The following NEK1 variants were observed in gnomAD, a reference collection of about 807,000 sequenced individuals.
NEK1 encodes NIMA related kinase 1, also known as serine/threonine-protein kinase Nek1.
A neutral mutation model predicts 182.1 loss-of-function variants in NEK1; 137 were observed. The ratio of observed to expected loss-of-function variants is 0.75; its 90% CI spans 0.65 to 0.87. NEK1 has a LOEUF of 0.87. Among genes scored for constraint, NEK1 ranks in the 40% least tolerant of loss-of-function variants. The pLI, the probability that NEK1 is intolerant of heterozygous loss-of-function variation, is 0.00. For missense variants in NEK1, 1,391 were observed against 1,494.4 expected (o/e 0.93, Z 1.14); for synonymous variants, 513 against 492.2 (o/e 1.04, Z -0.56).
chr4:169,545,385 AT>A (rs1760242878), intron 18 of NEK1, among the ~76,000 whole-genome samples: 1 of 151,636 alleles, frequency 6.6e-6, no homozygotes, highest in African/African-American at 2.4e-5. Flanking sequence ...TGAACTCATC[AT>A]TTTTTATGGC....
At chr4:169,497,341 T>C (rs948384395) in intron 23 of NEK1, among the ~76,000 whole-genome samples, 2 of 152,116 alleles carry the variant, frequency 1.3e-5, no homozygotes, top group Non-Finnish European at 2.9e-5. Flanking sequence ...TTTGTTGATC[T>C]TTTCAAAAAA....
chr4:169,589,191 C>T (rs1768019328), intron 7 of NEK1, among the ~76,000 whole-genome samples: 1 of 152,128 alleles, frequency 6.6e-6, no homozygotes, highest in Non-Finnish European at 1.5e-5. Flanking sequence ...CGGTTTGTAG[C>T]CCAGAAACAA....
At chr4:169,549,875 A>G (rs921494808) in intron 18 of NEK1, among the ~76,000 whole-genome samples, 28 of 152,058 alleles carry the variant, frequency 1.8e-4, no homozygotes, top group African/African-American at 6.5e-4. Context: ...ACCCACCACC[A>G]TGCCCAGTTC....
chr4:169,548,615 T>C (rs1760918570), intron 18 of NEK1, among the ~76,000 whole-genome samples: 1 of 152,214 alleles, frequency 6.6e-6, no homozygotes, highest in Non-Finnish European at 1.5e-5. Flanking sequence ...GGGGGTTTTA[T>C]CTATAAGACC....
rs1762091329 is a variant in NEK1, at chr4:169,555,870, A to G, written c.1431-19T>C. ...AATTCCTCTGTAGATAAATATGCAC[A>G]GTGACTTTCATTACTATCTCAGAAG... On this transcript the variant is annotated intron_variant, in intron 17 of 35. Transcript: ENST00000507142. 6.2e-7 allele frequency: 1 copy of G among 1,613,796 alleles called. No homozygotes were observed. Among genetic ancestry groups the G allele is most frequent in the Non-Finnish European group, 8.5e-7 (1 of 1,179,738 alleles).
intron 23 of NEK1, among the ~76,000 whole-genome samples, chr4:169,483,481 T>C (rs569457985): frequency 1.3e-5 from 2 of 152,326 alleles, no homozygotes; most frequent in South Asian, 4.1e-4. Flanking sequence ...AAACAAAGTA[T>C]GCCTGTATTT....
At chr4:169,582,753 G>A (rs1384922962) in intron 10 of NEK1, among the ~76,000 whole-genome samples, 1 of 152,114 alleles carries the variant, frequency 6.6e-6, no homozygotes, top group African/African-American at 2.4e-5. Context: ...CTAGCCACAT[G>A]CGCCTATTTG....
At chr4:169,528,415 T>A (rs1463282085) in intron 19 of NEK1, among the ~76,000 whole-genome samples, 2 of 152,206 alleles carry the variant, frequency 1.3e-5, no homozygotes, top group Non-Finnish European at 2.9e-5. Context: ...CCTTGTTCAT[T>A]AAGCCACGAG....
At chr4:169,450,203 T>C (rs935508844) in intron 27 of NEK1, among the ~76,000 whole-genome samples, 3 of 152,204 alleles carry the variant, frequency 2.0e-5, no homozygotes, top group South Asian at 4.1e-4. Context: ...CTACGTCTGA[T>C]TGGTGTACCT....
At chr4:169,531,122 G>A (rs1409568131) in intron 19 of NEK1, among the ~76,000 whole-genome samples, 13 of 151,894 alleles carry the variant, frequency 8.6e-5, no homozygotes, top group Non-Finnish European at 1.5e-5. Context: ...TTAAGAAATT[G>A]TAGCCAGAGA....
In NEK1 at chr4:169,509,112, GTTT is replaced by G. The variant is rs932448774; in HGVS notation, c.1666-263_1666-261del. Among the ~76,000 whole-genome samples the G allele has an allele frequency of 4.6e-5, 7 of 151,868 alleles. No individual in the cohort carries two copies. In the South Asian group the frequency reaches 6.3e-4, roughly 14 times the overall value. On this transcript the variant is annotated intron_variant, in intron 19 of 35. Coordinates refer to ENST00000507142, the MANE Select transcript of NEK1 (RefSeq NM_001199397.3). Reference sequence around the variant, plus strand: ...TCTTTGTGTTAGTCACTTAAGAGGGGTTTTTTTTGTTTGCTTGTTTGTTTGTTT... The same window carrying G: ...TCTTTGTGTTAGTCACTTAAGAGGGGTTTTTGTTTGCTTGTTTGTTTGTTT...
chr4:169,485,679 C>A (rs1748912535), intron 23 of NEK1, among the ~76,000 whole-genome samples: 1 of 152,062 alleles, frequency 6.6e-6, no homozygotes, highest in African/African-American at 2.4e-5. Flanking sequence ...TTTTATTATA[C>A]AATTGATCAC....
intron 2 of NEK1, among the ~76,000 whole-genome samples, chr4:169,606,525 G>A (rs1214518612): frequency 6.6e-6 from 1 of 152,106 alleles, no homozygotes; most frequent in Non-Finnish European, 1.5e-5. Flanking sequence ...ATCTAAGAGT[G>A]AGGATAATAT....
intron 23 of NEK1, among the ~76,000 whole-genome samples, chr4:169,504,073 T>C (rs914845797): frequency 3.3e-5 from 5 of 152,052 alleles, no homozygotes; most frequent in Admixed American, 2.0e-4. Context: ...AAGATCTAAA[T>C]AGACATTTCT....
chr4:169,504,718 G>A (rs1285058475), intron 23 of NEK1, among the ~76,000 whole-genome samples: 1 of 152,150 alleles, frequency 6.6e-6, no homozygotes, highest in African/African-American at 2.4e-5. Context: ...GAACATGATT[G>A]TTATCAAAAG....
intron 19 of NEK1, among the ~76,000 whole-genome samples, chr4:169,512,736 A>C (rs950348572): frequency 6.6e-6 from 1 of 152,060 alleles, no homozygotes; most frequent in Non-Finnish European, 1.5e-5. Context: ...TTGCAGTTTC[A>C]TATGAAAGCC....
chr4:169,470,063 A>G (rs1286584292), intron 26 of NEK1, among the ~76,000 whole-genome samples: 2 of 151,010 alleles, frequency 1.3e-5, no homozygotes, highest in East Asian at 2.0e-4. Flanking sequence ...CACACTGATG[A>G]GTCTTGACTC....
intron 23 of NEK1, among the ~76,000 whole-genome samples, chr4:169,497,608 T>C (rs1341512018): frequency 2.0e-5 from 3 of 152,198 alleles, no homozygotes; most frequent in Non-Finnish European, 4.4e-5. Context: ...TGTTGTGTCT[T>C]TGTTCTCATT....
chr4:169,483,542 T>C (rs1468856265), intron 23 of NEK1, among the ~76,000 whole-genome samples: 2 of 152,158 alleles, frequency 1.3e-5, no homozygotes, highest in Non-Finnish European at 2.9e-5. Flanking sequence ...TAGTTCAGTA[T>C]TATTGAAAAA....
Sources: gnomAD v4.1 joint callset for allele counts (sites outside exome capture counted in the v4.1 genomes callset) on GRCh38, gnomAD v4.1.1 for gene constraint, MANE v1.5 for transcripts, NCBI Gene and HGNC (gene_info 2026-07-23, HGNC 2026-07-21) for gene names.